Variants in SLC39A10 observed in about 807,000 individuals in gnomAD.
The protein encoded by SLC39A10 is zinc transporter ZIP10.
A neutral mutation model predicts 65.1 loss-of-function variants in SLC39A10; 13 were observed. The ratio of observed to expected loss-of-function variants is 0.20; its 90% CI spans 0.13 to 0.32. SLC39A10 has a LOEUF of 0.32. Among genes scored for constraint, SLC39A10 ranks in the 10% least tolerant of loss-of-function variants. The pLI is 1.00. For missense variants in SLC39A10, 831 were observed against 1,018.4 expected (o/e 0.82, Z 2.50); for synonymous variants, 321 against 342.2 (o/e 0.94, Z 0.68).
At chr2:195,704,144 A>C (rs985316740) in intron 3 of SLC39A10, among the ~76,000 whole-genome samples, 1 of 152,184 alleles carries the variant, frequency 6.6e-6, no homozygotes, top group African/African-American at 2.4e-5. Flanking sequence ...ATTAGTAAGT[A>C]AATACATTTT....
intron 3 of SLC39A10, among the ~76,000 whole-genome samples, chr2:195,689,974 C>T (rs187877014): frequency 9.7e-4 from 148 of 151,976 alleles, no homozygotes; most frequent in African/African-American, 3.4e-3. Context: ...GTCAGGAGTT[C>T]GAGACCAGCC....
chr2:195,683,909 A>G lies in SLC39A10; in HGVS notation c.1216+3A>G, dbSNP rs780731701. 9 of 1,604,630 alleles carry G rather than the reference A, an allele frequency of 5.6e-6. No individual in the cohort carries two copies. The highest frequency in any genetic ancestry group is 1.1e-5 in the South Asian group (1 of 90,026). On this transcript the variant is annotated splice_donor_region_variant and intron_variant, in intron 3 of 9. Transcript: ENST00000359634. ...TGAGGCAAATATAGGGGCATCAGGT[A>G]AGAGAGATTTTAAGTTTTTTCTCCT...
chr2:195,647,524 A>T (rs1381993104), intron 2 of SLC39A10, among the ~76,000 whole-genome samples: 2 of 151,788 alleles, frequency 1.3e-5, no homozygotes, highest in Non-Finnish European at 2.9e-5. Context: ...CTCTTTTCCC[A>T]GCCTTTTATC....
chr2:195,625,003 C>T (rs904554727), intron 2 of SLC39A10, among the ~76,000 whole-genome samples: 2 of 149,830 alleles, frequency 1.3e-5, no homozygotes, highest in East Asian at 2.0e-4. Flanking sequence ...GATCATCTGA[C>T]GTCAGGAGTT....
intron 3 of SLC39A10, among the ~76,000 whole-genome samples, chr2:195,689,951 C>T (rs904960553): frequency 6.6e-6 from 1 of 151,918 alleles, no homozygotes; most frequent in Non-Finnish European, 1.5e-5. Flanking sequence ...CTGAGGTGGG[C>T]AGATCACCTG....
At chr2:195,643,761 C>T (rs1688856187) in intron 2 of SLC39A10, among the ~76,000 whole-genome samples, 1 of 152,178 alleles carries the variant, frequency 6.6e-6, no homozygotes, top group Admixed American at 6.5e-5. Context: ...TAAAATTCTA[C>T]CATCATTCAA....
intron 2 of SLC39A10, among the ~76,000 whole-genome samples, chr2:195,648,369 A>C (rs1688966953): frequency 1.3e-5 from 2 of 152,168 alleles, no homozygotes; most frequent in Non-Finnish European, 2.9e-5. Flanking sequence ...ACTTCCTCTG[A>C]AAATGTTGGT....
In SLC39A10 at chr2:195,695,436, G is replaced by A. The variant is rs114154106; in HGVS notation, c.1217-11180G>A. ...CTCCCACACAACCTGCAGTCCTGAA[G>A]GTGGGTCTCACTCCCACCATTCCCC... On this transcript the variant is annotated intron_variant, in intron 3 of 9. Transcript: ENST00000359634. Among the ~76,000 whole-genome samples, 376 of 152,304 alleles carry A rather than the reference G, an allele frequency of 2.5e-3. 2 individuals carry two copies. The highest frequency in any genetic ancestry group is 8.7e-3 in the African/African-American group (361 of 41,578).
intron 2 of SLC39A10, among the ~76,000 whole-genome samples, chr2:195,624,395 G>GGA (rs1553491600): frequency 6.1e-5 from 4 of 65,974 alleles, no homozygotes; most frequent in African/African-American, 2.1e-4. Context: ...CTCAAATAAG[G>GGA]AAAAAAAAAA....
chr2:195,700,950 C>T (rs1331660408), intron 3 of SLC39A10, among the ~76,000 whole-genome samples: 1 of 151,918 alleles, frequency 6.6e-6, no homozygotes, highest in African/African-American at 2.4e-5. Context: ...TATTCATGCC[C>T]TTCATCAAAT....
chr2:195,622,095 G>A (rs980860517), intron 2 of SLC39A10, among the ~76,000 whole-genome samples: 3 of 152,266 alleles, frequency 2.0e-5, no homozygotes, highest in South Asian at 2.1e-4. Context: ...GCTGGGGGCC[G>A]TGGTTTATGC....
At chr2:195,643,433 T>C (rs1464021506) in intron 2 of SLC39A10, among the ~76,000 whole-genome samples, 3 of 152,244 alleles carry the variant, frequency 2.0e-5, no homozygotes, top group Non-Finnish European at 4.4e-5. Flanking sequence ...ATTCTGTAGG[T>C]TGAGTCAATA....
At chr2:195,701,572 G>T (rs190175421) in intron 3 of SLC39A10, among the ~76,000 whole-genome samples, 1 of 148,164 alleles carries the variant, frequency 6.7e-6, no homozygotes, top group East Asian at 2.0e-4. Context: ...CTTCCCCAGG[G>T]TTTGCTATTT....
At chr2:195,617,348 G>T (rs1688237483) in intron 2 of SLC39A10, among the ~76,000 whole-genome samples, 1 of 151,822 alleles carries the variant, frequency 6.6e-6, no homozygotes, top group African/African-American at 2.4e-5. Flanking sequence ...AGATCACAAG[G>T]TCAGGACTTT....
At chr2:195,648,654 C>T (rs1054999105) in intron 2 of SLC39A10, among the ~76,000 whole-genome samples, 2 of 151,996 alleles carry the variant, frequency 1.3e-5, no homozygotes, top group Non-Finnish European at 2.9e-5. Context: ...TATACTCCAG[C>T]CTGGGCAACA....
In SLC39A10 at chr2:195,680,716, A is replaced by G. The variant is rs767145986; in HGVS notation, c.674A>G (p.Asp225Gly). ...TETNKTQEQS[D>G]VKLPKGKRKK... is the part of the protein sequence containing the mutation. ...ACCAATAAAACCCAGGAACAATCTGATGTTAAACTACCGAAAGGAAAGAGG... is the reference window on the plus strand; with the variant it reads ...ACCAATAAAACCCAGGAACAATCTGGTGTTAAACTACCGAAAGGAAAGAGG... The change falls in exon 2 of 10, where the codon GAT becomes GGT. Residue 225 changes from aspartate to glycine, a missense_variant. Coordinates refer to ENST00000359634, the MANE Select transcript of SLC39A10 (RefSeq NM_020342.3). 5 of 1,614,142 alleles carry G rather than the reference A, an allele frequency of 3.1e-6. No homozygotes were observed. The South Asian group carries it at 5.5e-5, about 18-fold the overall frequency.
At chr2:195,664,009 T>A (rs371831517) in intron 1 of SLC39A10, among the ~76,000 whole-genome samples, 1 of 152,036 alleles carries the variant, frequency 6.6e-6, no homozygotes, top group Admixed American at 6.6e-5. Context: ...TAACATCTTA[T>A]GAAAGCACAT....
intron 2 of SLC39A10, among the ~76,000 whole-genome samples, chr2:195,642,614 G>C (rs1010978345): frequency 6.6e-6 from 1 of 152,186 alleles, no homozygotes; most frequent in Non-Finnish European, 1.5e-5. Flanking sequence ...AGGATGAGTA[G>C]ATTAAACAGT....
At chr2:195,644,337 ATTTTT>A (rs11356815) in intron 2 of SLC39A10, among the ~76,000 whole-genome samples, 2 of 86,016 alleles carry the variant, frequency 2.3e-5, no homozygotes, top group Admixed American at 1.2e-4. Flanking sequence ...TCTCAAATAA[ATTTTT>A]TTTTTTTTTT....
Sources: allele counts gnomAD v4.1 joint callset (sites outside exome capture counted in the v4.1 genomes callset), GRCh38; gene constraint gnomAD v4.1.1; transcripts MANE v1.5; gene names NCBI Gene and HGNC (gene_info 2026-07-23, HGNC 2026-07-21).